Variants in PGC observed in about 807,000 individuals in gnomAD.
PGC encodes the protein gastricsin.
Under a neutral mutation model 45.9 loss-of-function variants are expected in PGC, and 31 were observed. The ratio of observed to expected loss-of-function variants is 0.67; its 90% CI spans 0.51 to 0.91. The LOEUF is 0.91. PGC is among the 40% of genes least tolerant of loss of function. The pLI is 0.00. For synonymous variants in PGC, 192 were observed against 201.8 expected (o/e 0.95, Z 0.41); for missense variants, 477 against 493.2 (o/e 0.97, Z 0.31).
rs142634607 is a variant in PGC at position 41,739,937 on chromosome 6, G to A, written c.777C>T (p.Ile259=). The A allele has an allele frequency of 1.1e-4, 185 of 1,613,844 alleles. No homozygotes were observed. The highest frequency in any genetic ancestry group is 1.4e-4 in the Non-Finnish European group (169 of 1,179,908). Residue 259 remains isoleucine (I), a synonymous_variant, in exon 7 of 9, where the codon ATC becomes ATT. Transcript: ENST00000373025. ...AACACCAGCCGGAGGCCTGGCCGCC[G>A]ATGAGGAACCTGTATGGGGAGAAGA... is the stretch of plus-strand genomic sequence containing the variant. The part of the protein sequence containing the change: ...YWQIGIEEFL[I]GGQASGWCSE...
At position 41,744,810 on chromosome 6, in the gene PGC, T is replaced by C; in HGVS notation, c.60-2A>G. 1.2e-6 allele frequency: 2 copies of C among 1,613,464 alleles called. No individual in the cohort carries two copies. The highest frequency in any genetic ancestry group is 1.3e-5 in the African/African-American group (1 of 75,052). ...GACTTAAATTTCTTCAGGGGCACTC[T>C]ACAGAAAGGTTGCATATGAGGCAAG... On this transcript the variant is annotated splice_acceptor_variant, in intron 1 of 8. Transcript: ENST00000373025. LOFTEE classifies it high-confidence loss of function. The surrounding 1 kb of genome is among the most constrained non-coding windows in gnomAD (Gnocchi z 4.4).
intron 5 of PGC, 94 bp from the exon 6 acceptor site, chr6:41,740,704 C>T (rs1771806352): frequency 1.3e-6 from 2 of 1,498,994 alleles, no homozygotes; most frequent in Admixed American, 4.6e-5. Flanking sequence ...AGAGCTCCTT[C>T]CCTGATCCAG....
rs1422246964 is a variant in PGC at position 41,744,391 on chromosome 6, A to T, written c.328+6T>A. 6.3e-7 allele frequency: 1 copy of T among 1,597,276 alleles called. No homozygotes were observed. ...ACCACCCCTCTCTGCCCAGCCCAGC[A>T]CTCACTGCAGGCCTGGCTCTGGCAG... On this transcript the variant is annotated splice_donor_region_variant and intron_variant, in intron 3 of 8. Coordinates refer to ENST00000373025, the MANE Select transcript of PGC (RefSeq NM_002630.4). The surrounding 1 kb of genome is among the most constrained non-coding windows in gnomAD (Gnocchi z 4.4).
Position 41,744,606 on chromosome 6 carries a change from C to T in PGC, c.210+52G>A. 8 of 1,595,844 alleles carry T rather than the reference C, an allele frequency of 5.0e-6. No individual in the cohort carries two copies. The highest frequency in any genetic ancestry group is 1.7e-5 in the Admixed American group (1 of 59,450). ...GAGGAGTGAAGGGACCTGCCCCTTC[C>T]CTCCAGCCCACACCAGAGAGAAGGC... On this transcript the variant is annotated intron_variant, in intron 2 of 8. Coordinates refer to ENST00000373025, the MANE Select transcript of PGC (RefSeq NM_002630.4). This position sits in a 1 kb window ranked among gnomAD's most constrained non-coding sequence, Gnocchi z 4.4.
Position 41,738,297 on chromosome 6 carries a change from T to G in PGC, c.916-469A>C, listed in dbSNP as rs142345712. 3.0e-3 allele frequency among the ~76,000 whole-genome samples: 447 copies of G among 146,840 alleles called. 9 individuals are homozygous for G. The highest frequency in any genetic ancestry group is 0.011 in the African/African-American group (420 of 39,268). ...ACACACACACACACATACACAGGCA[T>G]GAGCCATGATGCCCAGCTTGCAAGT... is the stretch of plus-strand genomic sequence containing the variant. On this transcript the variant is annotated intron_variant, in intron 7 of 8. Transcript: ENST00000373025.
intron 5 of PGC, 144 bp downstream of exon 5, chr6:41,742,146 G>A: frequency 2.7e-6 from 2 of 750,748 alleles, no homozygotes; most frequent in Non-Finnish European, 4.5e-6. Flanking sequence ...AGCCCAGGAA[G>A]GAAGGCCCTG....
chr6:41,742,770 G>A (rs964939804), intron 4 of PGC, among the ~76,000 whole-genome samples: 8 of 152,142 alleles, frequency 5.3e-5, no homozygotes, highest in East Asian at 1.9e-4. Context: ...GACTGCAGGC[G>A]CGTGCCACCA....
Position 41,742,315 on chromosome 6 carries a change from G to T in PGC, c.622C>A (p.Pro208Thr), listed in dbSNP as rs760207177. ...GMVQEGALTS[P>T]VFSVYLSNQQ... ...TTGCTGAGGTAGACGCTGAAGACGG[G>T]GCTGGTGAGGGCGCCCTCCTGCACC... Residue 208 changes from proline (P) to threonine (T), a missense_variant, in exon 5 of 9, where the codon CCC (proline) becomes ACC (threonine). Physicochemically the swap from Pro to Thr is conservative, Grantham distance 38. Transcript: ENST00000373025. 3 of 1,614,052 alleles carry T rather than the reference G, an allele frequency of 1.9e-6. No individual in the cohort carries two copies. Among genetic ancestry groups the T allele is most frequent in the South Asian group, 2.2e-5 (2 of 91,080 alleles).
In PGC at chr6:41,739,956, G is replaced by A; in HGVS notation, c.768-10C>T. 2 of 1,612,890 alleles carry A rather than the reference G, an allele frequency of 1.2e-6. No individual in the cohort carries two copies. Among genetic ancestry groups the A allele is most frequent in the South Asian group, 2.2e-5 (2 of 90,960 alleles). ...GCCGCCGATGAGGAACCTGTATGGG[G>A]AGAAGACAGGCAGCCTCAGGACTCC... On this transcript the variant is annotated splice_polypyrimidine_tract_variant and intron_variant, in intron 6 of 8. Transcript: ENST00000373025.
intron 1 of PGC, among the ~76,000 whole-genome samples, chr6:41,747,034 T>G (rs1167097402): frequency 2.0e-5 from 3 of 152,248 alleles, no homozygotes; most frequent in Non-Finnish European, 2.9e-5. Context: ...CAGGTCCATC[T>G]TTCCTCATCA....
chr6:41,745,549 GT>G lies in PGC; in HGVS notation c.60-742del, dbSNP rs58088265. ...CACCGCACCTGGCCCAGGATATGTA[GT>G]TTTTTTTTTTTTTTTTGAGACAGAG... On this transcript the variant is annotated intron_variant, in intron 1 of 8. Transcript: ENST00000373025. 3.6e-3 allele frequency among the ~76,000 whole-genome samples: 450 copies of G among 124,912 alleles called. 3 individuals carry two copies. Among genetic ancestry groups the G allele is most frequent in the East Asian group, 8.5e-3 (37 of 4,328 alleles). The allele number at this position is 124,912 out of a possible 152,430, so 81.9% of individuals were successfully genotyped here. A position where few individuals can be genotyped will look rare whatever the true frequency, so the allele number is the denominator to read the frequency against.
chr6:41,742,562 C>G (rs1771850704), intron 4 of PGC, 73 bp from the exon 5 acceptor site: 2 of 1,092,364 alleles, frequency 1.8e-6, no homozygotes, highest in Non-Finnish European at 2.8e-6. Flanking sequence ...CCTAGAGACT[C>G]CTCAAGCCTC....
intron 1 of PGC, among the ~76,000 whole-genome samples, chr6:41,745,969 A>T (rs1037065782): frequency 6.6e-6 from 1 of 151,576 alleles, no homozygotes; most frequent in Non-Finnish European, 1.5e-5. Flanking sequence ...TCGAGACCAG[A>T]CTGGCCAAGA....
At chr6:41,740,263 T>C (rs1185157115) in intron 6 of PGC, among the ~76,000 whole-genome samples, 1 of 152,176 alleles carries the variant, frequency 6.6e-6, no homozygotes, top group Admixed American at 6.5e-5. Flanking sequence ...TCCCTAATGT[T>C]CGGGAGTCCA....
intron 1 of PGC, among the ~76,000 whole-genome samples, chr6:41,745,121 G>A (rs922745715): frequency 1.3e-5 from 2 of 152,060 alleles, no homozygotes; most frequent in East Asian, 3.9e-4. Context: ...CACCATGCAT[G>A]CACTCCTCAC....
rs1771891952 is a variant in PGC, at chr6:41,744,569, C to T, written c.211-55G>A. On this transcript the variant is annotated intron_variant, in intron 2 of 8. Coordinates refer to ENST00000373025, the MANE Select transcript of PGC (RefSeq NM_002630.4). This position sits in a 1 kb window ranked among gnomAD's most constrained non-coding sequence, Gnocchi z 4.4. ...CAGAGGGATCCAGGGGCCCCAGGCT[C>T]CTCCATGGGCAGAGGAGTGAAGGGA... 1.3e-6 allele frequency: 2 copies of T among 1,581,780 alleles called. No homozygotes were observed. The highest frequency in any genetic ancestry group is 1.7e-5 in the Admixed American group (1 of 58,050).
At chr6:41,747,194 T>G (rs1581956284) in intron 1 of PGC, 82 bp downstream of exon 1, 47 of 1,133,102 alleles carry the variant, frequency 4.1e-5, no homozygotes, top group South Asian at 1.2e-5. Context: ...ACAGGCAGGG[T>G]GTCCCCTGGC....
rs774391497 is a variant in PGC, at chr6:41,747,317, C to T, written c.18G>A (p.Val6=). The T allele has an allele frequency of 1.9e-6, 3 of 1,613,824 alleles. No individual in the cohort carries two copies. In the East Asian group the frequency reaches 6.7e-5, roughly 36 times the overall value. Residue 6 remains valine, a synonymous_variant, in exon 1 of 9, where the codon GTG becomes GTA. Coordinates refer to ENST00000373025, the MANE Select transcript of PGC (RefSeq NM_002630.4). ...CCAAGAGCTGGAGGCAGACCAAGAC[C>T]ACCACCATCCACTTCATGATGCTGG... MKWMV[V]VLVCLQLLEA... is the part of the protein sequence containing the mutation.
chr6:41,738,409 C>G (rs1771757177), intron 7 of PGC, among the ~76,000 whole-genome samples: 1 of 151,284 alleles, frequency 6.6e-6, no homozygotes, highest in Non-Finnish European at 1.5e-5. Context: ...AGGCAGATTG[C>G]TTGAGTCCAG....
Sources: gnomAD v4.1 joint callset for allele counts (sites outside exome capture counted in the v4.1 genomes callset) on GRCh38, gnomAD v4.1.1 for gene constraint, Gnocchi (gnomAD v3.1) non-coding constraint, MANE v1.5 for transcripts, NCBI Gene and HGNC (gene_info 2026-07-23, HGNC 2026-07-21) for gene names.